PBX3: variants seen among roughly 807,000 people sequenced by gnomAD.
The protein encoded by PBX3 is pre-B-cell leukemia transcription factor 3.
A neutral mutation model predicts 48.5 loss-of-function variants in PBX3; 14 were observed. The observed-to-expected ratio is 0.29, with a 90% CI of 0.19 to 0.45. The LOEUF is 0.45. Among genes scored for constraint, PBX3 ranks in the 20% least tolerant of loss-of-function variants. PBX3 has a pLI of 1.00. For synonymous variants in PBX3, 210 were observed against 200.3 expected, an observed-to-expected ratio of 1.05 and a Z score of -0.41; for missense variants, 386 against 546.7, an observed-to-expected ratio of 0.71 and a Z score of 2.93.
intron 2 of PBX3, among the ~76,000 whole-genome samples, chr9:125,870,489 A>G (rs905057828): frequency 2.0e-5 from 3 of 152,228 alleles, no homozygotes; most frequent in East Asian, 3.9e-4. Flanking sequence ...CAAACAAACA[A>G]ACAAACAAAA....
chr9:125,779,842 A>G (rs1358715063), intron 2 of PBX3, among the ~76,000 whole-genome samples: 2 of 125,878 alleles, frequency 1.6e-5, no homozygotes, highest in African/African-American at 3.2e-5. Context: ...GTGGCCGGGC[A>G]GAGGCGCCCC....
At chr9:125,846,662 A>G (rs566780131) in intron 2 of PBX3, among the ~76,000 whole-genome samples, 10 of 152,144 alleles carry the variant, frequency 6.6e-5, no homozygotes, top group Middle Eastern at 6.8e-3. Flanking sequence ...CTCCTTCTAC[A>G]TTTTAAAAAG....
Position 125,929,688 on chromosome 9 carries a change from C to T in PBX3, c.550C>T (p.Leu184Phe). Residue 184 changes from leucine to phenylalanine, a missense_variant, in exon 4 of 9, where the codon CTT (leucine) becomes TTT (phenylalanine). Coordinates refer to ENST00000373489, the MANE Select transcript of PBX3 (RefSeq NM_006195.6). ...TGAATTTACTACACATGTGATGAAC[C>T]TTCTCCGAGAACAGAGTAGAACACG... ...CNEFTTHVMN[L>F]LREQSRTRPI... The T allele has an allele frequency of 6.2e-7, 1 of 1,611,832 alleles. No individual in the cohort carries two copies. Among genetic ancestry groups the T allele is most frequent in the Non-Finnish European group, 8.5e-7 (1 of 1,179,184 alleles).
chr9:125,898,928 A>G (rs909589404), intron 2 of PBX3, among the ~76,000 whole-genome samples: 8 of 151,680 alleles, frequency 5.3e-5, no homozygotes, highest in Non-Finnish European at 1.2e-4. Flanking sequence ...ACACACAAGT[A>G]ATGAAATAGA....
chr9:125,933,161 A>C (rs1841756353), intron 4 of PBX3, among the ~76,000 whole-genome samples: 1 of 152,274 alleles, frequency 6.6e-6, no homozygotes, highest in South Asian at 2.1e-4. Flanking sequence ...AGTGCCTCCC[A>C]GCAAGCCCTC....
intron 2 of PBX3, among the ~76,000 whole-genome samples, chr9:125,876,449 G>T (rs1840249565): frequency 6.6e-6 from 1 of 152,256 alleles, no homozygotes; most frequent in East Asian, 1.9e-4. Flanking sequence ...ACTCAATGCG[G>T]AGATGAGGAT....
chr9:125,781,393 G>A (rs1006805080), intron 2 of PBX3, among the ~76,000 whole-genome samples: 10 of 151,812 alleles, frequency 6.6e-5, no homozygotes, highest in South Asian at 6.3e-4. Context: ...GGTGGCGCGC[G>A]CCTGCAATCG....
chr9:125,836,601 G>T (rs1011586109), intron 2 of PBX3, among the ~76,000 whole-genome samples: 66 of 152,188 alleles, frequency 4.3e-4, no homozygotes, highest in African/African-American at 1.5e-3. Flanking sequence ...AGCTCAGTAG[G>T]GTGACCTATA....
At chr9:125,897,794 C>T (rs146345648) in intron 2 of PBX3, among the ~76,000 whole-genome samples, 103 of 151,998 alleles carry the variant, frequency 6.8e-4, no homozygotes, top group African/African-American at 2.3e-3. Context: ...TTATCATTCT[C>T]ATAGCGTCCT....
intron 2 of PBX3, among the ~76,000 whole-genome samples, chr9:125,790,547 C>A (rs1837571360): frequency 6.6e-6 from 1 of 151,406 alleles, no homozygotes; most frequent in Non-Finnish European, 1.5e-5. Flanking sequence ...AGCCACCGTG[C>A]CTGGCCAACT....
intron 4 of PBX3, among the ~76,000 whole-genome samples, chr9:125,933,592 C>T (rs1237698472): frequency 1.3e-5 from 2 of 152,068 alleles, no homozygotes; most frequent in Non-Finnish European, 2.9e-5. Flanking sequence ...CAGGAGCTTG[C>T]TTACATATAG....
At chr9:125,791,860 C>T (rs906280406) in intron 2 of PBX3, among the ~76,000 whole-genome samples, 2 of 150,954 alleles carry the variant, frequency 1.3e-5, no homozygotes, top group Admixed American at 6.6e-5. Context: ...GGCGTGAACC[C>T]GGGAGGCAGA....
At chr9:125,950,062 A>C (rs1018305068) in intron 5 of PBX3, among the ~76,000 whole-genome samples, 4 of 152,324 alleles carry the variant, frequency 2.6e-5, no homozygotes, top group South Asian at 2.1e-4. Flanking sequence ...CTAATGAGAA[A>C]AATAATTTTA....
intron 2 of PBX3, among the ~76,000 whole-genome samples, chr9:125,757,069 A>AT (rs1382867505): frequency 6.6e-6 from 1 of 152,182 alleles, no homozygotes; most frequent in East Asian, 1.9e-4. Flanking sequence ...CAAATAATTT[A>AT]TAGAGGAATT....
intron 2 of PBX3, among the ~76,000 whole-genome samples, chr9:125,833,221 C>T (rs150866930): frequency 0.02 from 3,057 of 152,238 alleles, 171 homozygotes; most frequent in East Asian, 0.17. Context: ...CGTGGTGACT[C>T]ATGCCTGTAA....
At chr9:125,860,745 G>A (rs1839841344) in intron 2 of PBX3, among the ~76,000 whole-genome samples, 1 of 151,506 alleles carries the variant, frequency 6.6e-6, no homozygotes. Flanking sequence ...GCAAAAATTA[G>A]GCATGTTGGC....
At chr9:125,856,728 G>A (rs566961635) in intron 2 of PBX3, among the ~76,000 whole-genome samples, 2 of 152,286 alleles carry the variant, frequency 1.3e-5, no homozygotes, top group South Asian at 4.1e-4. Flanking sequence ...GTCAGAATTT[G>A]GGAATGTTTG....
intron 2 of PBX3, among the ~76,000 whole-genome samples, chr9:125,887,961 A>G (rs1359465652): frequency 6.6e-6 from 1 of 152,148 alleles, no homozygotes; most frequent in African/African-American, 2.4e-5. Flanking sequence ...TCATTTCTTA[A>G]GTGCAAATGT....
At position 125,779,976 on chromosome 9, in the gene PBX3, G is replaced by A. The variant is rs1406651190; in HGVS notation, c.274+31353G>A. Among the ~76,000 whole-genome samples, 283 of 129,524 alleles carry A rather than the reference G, an allele frequency of 2.2e-3. 3 individuals are homozygous for A. The East Asian group carries it at 0.029, about 13-fold the overall frequency. 85.0% of individuals were successfully genotyped at this position (129,524 alleles called of 152,430 possible). Reference sequence around the variant, plus strand: ...TCCCTCCCGGACGGGGCGGCTGGCCGGGCAGAGGGGCTCCTCACTTCCCAG... The same window carrying A: ...TCCCTCCCGGACGGGGCGGCTGGCCAGGCAGAGGGGCTCCTCACTTCCCAG... On this transcript the variant is annotated intron_variant, in intron 2 of 8. Transcript: ENST00000373489.
Sources: allele counts gnomAD v4.1 joint callset (sites outside exome capture counted in the v4.1 genomes callset), GRCh38; gene constraint gnomAD v4.1.1; transcripts MANE v1.5; gene names NCBI Gene and HGNC (gene_info 2026-07-23, HGNC 2026-07-21).